Variants in STYXL2 observed in about 807,000 individuals in gnomAD.
STYXL2 encodes serine/threonine/tyrosine interacting like 2.
Under a neutral mutation model 52.4 loss-of-function variants are expected in STYXL2, and 44 were observed. The observed-to-expected ratio is 0.84, with a 90% CI of 0.66 to 1.08. The LOEUF (loss-of-function observed/expected upper bound fraction) is 1.08, where lower values mean the gene tolerates loss of function less well. Among genes scored for constraint, STYXL2 ranks in the 50% least tolerant of loss-of-function variants. STYXL2 has a pLI of 0.00. For missense variants in STYXL2, 1,604 were observed against 1,471.7 expected (o/e 1.09, Z -1.47); for synonymous variants, 604 against 586.9 (o/e 1.03, Z -0.42).
chr1:167,120,103 T>C (rs534415539), intron 5 of STYXL2, among the ~76,000 whole-genome samples: 1 of 152,290 alleles, frequency 6.6e-6, no homozygotes, highest in African/African-American at 2.4e-5. Flanking sequence ...GATTTATGTT[T>C]TGGAAAACTC....
At chr1:167,117,248 C>T (rs1009656761) in intron 3 of STYXL2, 80 bp from the exon 4 acceptor site, 8 of 1,305,788 alleles carry the variant, frequency 6.1e-6, no homozygotes, top group Non-Finnish European at 7.4e-6. Context: ...GCAAACTGGC[C>T]AAGAGCATGT....
chr1:167,095,058 G>T (rs1558016027), intron 2 of STYXL2, 99 bp downstream of exon 2: 1 of 802,134 alleles, frequency 1.2e-6, no homozygotes, highest in East Asian at 2.7e-5. Flanking sequence ...CATCACCTCG[G>T]TTCACTCATT....
Position 167,125,733 on chromosome 1 carries a change from C to G in STYXL2, c.656-54C>G, listed in dbSNP as rs899048867. ...ACCAAAGAAAACAAACAAACAAGAA[C>G]ACTACAAGGAAGCCACTGTCATTAC... is the stretch of plus-strand genomic sequence containing the variant. On this transcript the variant is annotated intron_variant, in intron 5 of 5. Coordinates refer to ENST00000361200, the MANE Select transcript of STYXL2 (RefSeq NM_001080426.3). 4 of 1,514,352 alleles carry G rather than the reference C, an allele frequency of 2.6e-6. No individual in the cohort carries two copies. In the African/African-American group the frequency reaches 5.6e-5, roughly 21 times the overall value. 93.8% of individuals were successfully genotyped at this position (1,514,352 alleles called of 1,614,324 possible).
At chr1:167,116,520 C>G (rs1201300529) in intron 3 of STYXL2, among the ~76,000 whole-genome samples, 1 of 152,056 alleles carries the variant, frequency 6.6e-6, no homozygotes, top group Admixed American at 6.5e-5. Flanking sequence ...GCATAAATTA[C>G]TGCTGAAAGT....
At chr1:167,103,646 C>G (rs1189495118) in intron 2 of STYXL2, among the ~76,000 whole-genome samples, 1 of 152,196 alleles carries the variant, frequency 6.6e-6, no homozygotes, top group Non-Finnish European at 1.5e-5. Flanking sequence ...GAGTCACTCT[C>G]TGGAAGAAAA....
intron 5 of STYXL2, among the ~76,000 whole-genome samples, chr1:167,120,898 AGAGGTATGTAT>A (rs138556523): frequency 0.13 from 17,463 of 136,768 alleles, 2,064 homozygotes; most frequent in Middle Eastern, 0.16. Context: ...AGAGAGAGAG[AGAGGTATGTAT>A]GTGTATATAT....
intron 3 of STYXL2, among the ~76,000 whole-genome samples, chr1:167,114,005 G>A (rs1367958311): frequency 6.6e-6 from 1 of 152,180 alleles, no homozygotes; most frequent in Admixed American, 6.5e-5. Context: ...GCATCAGTGT[G>A]AACAGGGACA....
chr1:167,120,670 G>A (rs189262089), intron 5 of STYXL2, among the ~76,000 whole-genome samples: 143 of 151,318 alleles, frequency 9.5e-4, no homozygotes, highest in African/African-American at 3.4e-3. Flanking sequence ...CAGCTCTGTT[G>A]CCCAGGCTGC....
In STYXL2 at chr1:167,113,783, G is replaced by A. The variant is rs115025626; in HGVS notation, c.184G>A (p.Ala62Thr). Reference sequence around the variant, plus strand: ...CATTCACCTCTCCTCAGCCATTGCAGCCAAACAGATCATCAATGAAGGTAA... The same window carrying A: ...CATTCACCTCTCCTCAGCCATTGCAACCAAACAGATCATCAATGAAGGTAA... Reference protein sequence around the residue: ...EPIHLSSAIAAKQIINEELKP... With the variant: ...EPIHLSSAIATKQIINEELKP... The change falls in exon 3 of 6, where the codon GCC becomes ACC. Residue 62 changes from alanine (A) to threonine (T), a missense_variant. Physicochemically the swap from Ala to Thr is moderately conservative, Grantham distance 58. Transcript: ENST00000361200. 2.3e-5 allele frequency: 37 copies of A among 1,613,884 alleles called. No individual in the cohort carries two copies. In the African/African-American group the frequency reaches 4.5e-4, roughly 20 times the overall value.
intron 2 of STYXL2, among the ~76,000 whole-genome samples, chr1:167,111,601 T>G (rs576859736): frequency 6.6e-6 from 1 of 150,432 alleles, no homozygotes; most frequent in African/African-American, 2.4e-5. Flanking sequence ...TGCAGCAACC[T>G]GGATGGAATT....
chr1:167,126,971 G>C lies in STYXL2; in HGVS notation c.1840G>C (p.Gly614Arg), dbSNP rs1011449034. Reference protein sequence around the residue: ...NKEEVVELSKGEDSALAKKRQ... With the variant: ...NKEEVVELSKREDSALAKKRQ... ...GGAGGAGGTGGTGGAGCTCAGCAAG[G>C]GGGAGGACTCGGCCTTGGCTAAGAA... The change falls in exon 6 of 6, where the codon GGG (glycine) becomes CGG (arginine). Residue 614 changes from glycine (G) to arginine (R), a missense_variant. Transcript: ENST00000361200. The C allele has an allele frequency of 3.1e-6, 5 of 1,610,414 alleles. No individual in the cohort carries two copies. Among genetic ancestry groups the C allele is most frequent in the Middle Eastern group, 1.7e-4 (1 of 6,038 alleles).
Position 167,126,358 on chromosome 1 carries a change from G to T in STYXL2, c.1227G>T (p.Arg409=). 6.5e-7 allele frequency: 1 copy of T among 1,543,894 alleles called. No individual in the cohort carries two copies. The highest frequency in any genetic ancestry group is 8.7e-7 in the Non-Finnish European group (1 of 1,143,444). Residue 409 remains arginine, a synonymous_variant, in exon 6 of 6, where the codon CGG becomes CGT. Transcript: ENST00000361200. ...RNERYQAEGY[R]RWGREEEKEE... ...AGAGGTACCAAGCAGAAGGGTACCG[G>T]AGGTGGGGAAGGGAGGAGGAGAAGG...
At chr1:167,110,067 A>G (rs1432405619) in intron 2 of STYXL2, among the ~76,000 whole-genome samples, 1 of 152,130 alleles carries the variant, frequency 6.6e-6, no homozygotes, top group African/African-American at 2.4e-5. Context: ...GACACTCCCC[A>G]GTACAAGCCT....
At position 167,128,718 on chromosome 1, in the gene STYXL2, GA is replaced by G. The variant is rs1470086601; in HGVS notation, c.*111del. On this transcript the variant is annotated 3_prime_UTR_variant, in exon 6 of 6. Coordinates refer to ENST00000361200, the MANE Select transcript of STYXL2 (RefSeq NM_001080426.3). Reference sequence around the variant, plus strand: ...ATGAGGATACAGAGAGGATCTTCCAGAGGGGCAGAGCCAAAATGAGAGGTAC... The same window carrying G: ...ATGAGGATACAGAGAGGATCTTCCAGGGGGCAGAGCCAAAATGAGAGGTAC... 31 of 1,445,992 alleles carry G rather than the reference GA, an allele frequency of 2.1e-5. No homozygotes were observed. Among genetic ancestry groups the G allele is most frequent in the Non-Finnish European group, 2.7e-5 (30 of 1,106,424 alleles). The allele number at this position is 1,445,992 out of a possible 1,614,324, so 89.6% of individuals were successfully genotyped here. A position where few individuals can be genotyped will look rare whatever the true frequency, so the allele number is the denominator to read the frequency against.
chr1:167,095,567 G>C (rs1042026767), intron 2 of STYXL2, among the ~76,000 whole-genome samples: 6 of 151,938 alleles, frequency 3.9e-5, no homozygotes, highest in African/African-American at 1.5e-4. Flanking sequence ...AATCATCGAC[G>C]TTATGTTATC....
chr1:167,103,957 TA>T (rs758009007), intron 2 of STYXL2, among the ~76,000 whole-genome samples: 15 of 151,998 alleles, frequency 9.9e-5, no homozygotes, highest in Non-Finnish European at 2.1e-4. Context: ...CCGTCTCTAC[TA>T]AAAATAGAAA....
intron 4 of STYXL2, among the ~76,000 whole-genome samples, chr1:167,118,208 T>G (rs1327177700): frequency 6.6e-6 from 1 of 152,252 alleles, no homozygotes; most frequent in East Asian, 1.9e-4. Context: ...ACTATTATTT[T>G]CTAAAAGTTT....
At position 167,126,871 on chromosome 1, in the gene STYXL2, C is replaced by A; in HGVS notation, c.1740C>A (p.Asn580Lys). The A allele has an allele frequency of 1.2e-6, 2 of 1,613,536 alleles. No homozygotes were observed. Among genetic ancestry groups the A allele is most frequent in the Non-Finnish European group, 1.7e-6 (2 of 1,179,648 alleles). ...CAGAGGAGGCAGTAGGGGAGAAGAA[C>A]CCCTCCGACGTCAGCCTGACAGCCT... ...PGAEEAVGEK[N>K]PSDVSLTAYQ... The change falls in exon 6 of 6, where the codon AAC (asparagine) becomes AAA (lysine). Residue 580 changes from asparagine (N) to lysine (K), a missense_variant. Asn to Lys is a moderately conservative substitution (Grantham distance 94, BLOSUM62 0). Transcript: ENST00000361200.
In STYXL2 at chr1:167,117,490, T is replaced by C. The variant is rs768886871; in HGVS notation, c.368T>C (p.Val123Ala). ...PCVLDLQRAL[V>A]QDRQEAPWNE... The stretch of plus-strand genomic sequence containing the variant: ...GTCCTGGACCTACAGCGGGCCCTGG[T>C]TCAGGATCGCCAAGAGGCGCCCTGG... Residue 123 changes from valine (V) to alanine (A), a missense_variant, in exon 4 of 6, where the codon GTT (valine) becomes GCT (alanine). Transcript: ENST00000361200. 6.2e-7 allele frequency: 1 copy of C among 1,612,114 alleles called. No individual in the cohort carries two copies. Among genetic ancestry groups the C allele is most frequent in the South Asian group, 1.1e-5 (1 of 90,396 alleles).
Sources: gnomAD v4.1 joint callset for allele counts (sites outside exome capture counted in the v4.1 genomes callset) on GRCh38, gnomAD v4.1.1 for gene constraint, MANE v1.5 for transcripts, NCBI Gene and HGNC (gene_info 2026-07-23, HGNC 2026-07-21) for gene names.